Variants in ATP6V0A4 observed in about 807,000 individuals in gnomAD.
The protein encoded by ATP6V0A4 is V-type proton ATPase 116 kDa subunit a 4.
In ATP6V0A4, 86 loss-of-function variants were observed where a neutral mutation model predicts 107.3. That is an observed-to-expected ratio of 0.80 (90% CI 0.67 to 0.96). ATP6V0A4 has a LOEUF of 0.96. Ranked by LOEUF, ATP6V0A4 falls within the 40% of genes least tolerant of loss-of-function variation. The probability of loss-of-function intolerance (pLI) is 0.00; values close to 1 mark genes in which losing one functional copy is unlikely to be tolerated. For missense variants in ATP6V0A4, 908 were observed against 1,045.6 expected, an observed-to-expected ratio of 0.87 and a Z score of 1.81; for synonymous variants, 353 against 381.4, an observed-to-expected ratio of 0.93 and a Z score of 0.87.
chr7:138,786,666 G>A (rs1808192014), intron 1 of ATP6V0A4, among the ~76,000 whole-genome samples: 2 of 151,782 alleles, frequency 1.3e-5, no homozygotes, highest in African/African-American at 4.8e-5. Context: ...GAGAGAGAGA[G>A]ACAGATTGAG....
At chr7:138,752,456 A>AT (rs1361428928) in intron 11 of ATP6V0A4, among the ~76,000 whole-genome samples, 169 bp downstream of exon 11, 1 of 152,090 alleles carries the variant, frequency 6.6e-6, no homozygotes, top group Non-Finnish European at 1.5e-5. Flanking sequence ...AGACAAAGGA[A>AT]TTTCTTTTAT....
chr7:138,710,332 C>T (rs527532543), intron 20 of ATP6V0A4, among the ~76,000 whole-genome samples: 2 of 152,190 alleles, frequency 1.3e-5, no homozygotes, highest in East Asian at 3.9e-4. Flanking sequence ...GCTGGGACTA[C>T]AGGTGTATGC....
intron 2 of ATP6V0A4, among the ~76,000 whole-genome samples, chr7:138,785,867 T>G (rs988889734): frequency 4.6e-5 from 7 of 152,204 alleles, no homozygotes; most frequent in Admixed American, 3.9e-4. Context: ...GGATCATCCC[T>G]GCCATGCACA....
At position 138,745,191 on chromosome 7, in the gene ATP6V0A4, G is replaced by A. The variant is rs1215678363; in HGVS notation, c.1410C>T (p.Phe470=). Residue 470 remains phenylalanine, a synonymous_variant, in exon 14 of 22, where the codon TTC becomes TTT. Transcript: ENST00000310018. ...IYTGLIYNDC[F]SKSLNIFGSS... ...AGCCAAAGATGTTCAAGGACTTGGA[G>A]AAGCAGTCATTGTAGATCAAACCCG... 1.5e-5 allele frequency: 24 copies of A among 1,614,104 alleles called. No homozygotes were observed. The highest frequency in any genetic ancestry group is 1.9e-5 in the Non-Finnish European group (23 of 1,180,052).
intron 2 of ATP6V0A4, among the ~76,000 whole-genome samples, chr7:138,782,188 G>A (rs1307473379): frequency 1.3e-5 from 2 of 152,186 alleles, no homozygotes; most frequent in African/African-American, 4.8e-5. Flanking sequence ...GGTTCCCTCT[G>A]AAGGCTGTGA....
chr7:138,776,709 C>T (rs1004747376), intron 2 of ATP6V0A4, among the ~76,000 whole-genome samples: 1 of 152,182 alleles, frequency 6.6e-6, no homozygotes, highest in Admixed American at 6.5e-5. Context: ...GTACACGTAC[C>T]TAATGGTTAA....
intron 1 of ATP6V0A4, among the ~76,000 whole-genome samples, chr7:138,788,394 G>A (rs905659315): frequency 6.6e-6 from 1 of 152,172 alleles, no homozygotes; most frequent in Non-Finnish European, 1.5e-5. Context: ...CCTTCCAACT[G>A]TTTATTAACT....
At chr7:138,724,614 C>T (rs1163356549) in intron 18 of ATP6V0A4, among the ~76,000 whole-genome samples, 2 of 152,206 alleles carry the variant, frequency 1.3e-5, no homozygotes, top group Non-Finnish European at 2.9e-5. Flanking sequence ...GTCCCCAACA[C>T]CTTGTGGTTC....
chr7:138,753,071 A>G (rs945670572), intron 10 of ATP6V0A4, among the ~76,000 whole-genome samples: 6 of 152,102 alleles, frequency 3.9e-5, no homozygotes, highest in Non-Finnish European at 7.4e-5. Flanking sequence ...TCATTGTCCT[A>G]TTGTTATGGG....
At chr7:138,737,636 CAGT>C (rs1371456000) in intron 15 of ATP6V0A4, among the ~76,000 whole-genome samples, 16 of 145,796 alleles carry the variant, frequency 1.1e-4, no homozygotes, top group Non-Finnish European at 1.6e-4. Flanking sequence ...AGCTGGAGTG[CAGT>C]GGTGTGATCT....
chr7:138,783,026 G>A (rs1563020058), intron 2 of ATP6V0A4, among the ~76,000 whole-genome samples: 2 of 152,138 alleles, frequency 1.3e-5, no homozygotes, highest in Admixed American at 6.6e-5. Flanking sequence ...AGTGAGCCGA[G>A]ATTGCACCAC....
chr7:138,796,915 T>C (rs1189248459), intron 1 of ATP6V0A4, among the ~76,000 whole-genome samples: 4 of 152,242 alleles, frequency 2.6e-5, no homozygotes, highest in African/African-American at 9.6e-5. Context: ...AGAGCTCTAG[T>C]CAAGTTACTC....
chr7:138,765,881 C>G (rs1221204289), intron 5 of ATP6V0A4, among the ~76,000 whole-genome samples: 1 of 152,168 alleles, frequency 6.6e-6, no homozygotes, highest in Admixed American at 6.6e-5. Context: ...TCCCAAGTAG[C>G]TGGGACCACA....
chr7:138,726,420 G>A (rs1804728829), intron 18 of ATP6V0A4, among the ~76,000 whole-genome samples: 1 of 152,218 alleles, frequency 6.6e-6, no homozygotes, highest in Admixed American at 6.5e-5. Context: ...GGCCACAAGG[G>A]CTCTCGGAAG....
intron 15 of ATP6V0A4, among the ~76,000 whole-genome samples, chr7:138,736,945 CA>C (rs1198612036): frequency 1.3e-5 from 2 of 151,540 alleles, no homozygotes; most frequent in African/African-American, 2.4e-5. Context: ...ACTCACAGAG[CA>C]AGTAAATAGA....
At chr7:138,760,444 C>CAAAAAAAAAAAAAAAAAAA (rs570463822) in intron 7 of ATP6V0A4, among the ~76,000 whole-genome samples, 1 of 60,826 alleles carries the variant, frequency 1.6e-5, no homozygotes, top group Admixed American at 1.8e-4. Context: ...AACTCTGTCT[C>CAAAAAAAAAAAAAAAAAAA]AAAAAAAAAA....
intron 20 of ATP6V0A4, among the ~76,000 whole-genome samples, 193 bp downstream of exon 20, chr7:138,715,571 T>C (rs2117192757): frequency 6.6e-6 from 1 of 152,164 alleles, no homozygotes; most frequent in Non-Finnish European, 1.5e-5. Flanking sequence ...ACTATTAATA[T>C]AGAGGGTGAC....
At chr7:138,709,599 G>C in intron 21 of ATP6V0A4, 25 bp downstream of exon 21, 1 of 1,607,980 alleles carries the variant, frequency 6.2e-7, no homozygotes, top group Middle Eastern at 1.8e-4. Context: ...ACCACATTGA[G>C]CTTCCAGGGG....
intron 15 of ATP6V0A4, 157 bp from the exon 16 acceptor site, chr7:138,734,411 AG>A (rs1805199691): frequency 1.5e-6 from 1 of 673,878 alleles, no homozygotes; most frequent in Non-Finnish European, 1.8e-6. Flanking sequence ...GAGTCCAAAA[AG>A]GAAAAAAGGA....
Sources: gnomAD v4.1 joint callset for allele counts (sites outside exome capture counted in the v4.1 genomes callset) on GRCh38, gnomAD v4.1.1 for gene constraint, MANE v1.5 for transcripts, NCBI Gene and HGNC (gene_info 2026-07-23, HGNC 2026-07-21) for gene names.